Variants in KCNH8 observed in about 807,000 individuals in gnomAD.
KCNH8 encodes potassium voltage-gated channel subfamily H member 8.
A neutral mutation model predicts 103.6 loss-of-function variants in KCNH8; 70 were observed. The ratio of observed to expected loss-of-function variants is 0.68; its 90% CI spans 0.56 to 0.82. The LOEUF (loss-of-function observed/expected upper bound fraction) is 0.82, where lower values mean the gene tolerates loss of function less well. KCNH8 is among the 40% of genes least tolerant of loss of function. The pLI, the probability that KCNH8 is intolerant of heterozygous loss-of-function variation, is 0.00. For missense variants in KCNH8, 1,217 were observed against 1,329.9 expected (o/e 0.92, Z 1.32); for synonymous variants, 498 against 489.4 (o/e 1.02, Z -0.23).
intron 5 of KCNH8, among the ~76,000 whole-genome samples, chr3:19,376,515 A>G (rs1471739975): frequency 6.6e-6 from 1 of 152,124 alleles, no homozygotes; most frequent in Non-Finnish European, 1.5e-5. Context: ...CCCAAGTGAG[A>G]TGAACCCGGT....
rs181874521 is a variant in KCNH8 at position 19,476,378 on chromosome 3, G to A, written c.2040+19396G>A. ...AAAGTGCCACAGGGAGTTGTGATGC[G>A]CAAACTTCTTGCACTAAAGTGAGCA... On this transcript the variant is annotated intron_variant, in intron 11 of 15. Coordinates refer to ENST00000328405, the MANE Select transcript of KCNH8 (RefSeq NM_144633.3). 2.7e-3 allele frequency among the ~76,000 whole-genome samples: 411 copies of A among 152,254 alleles called. 3 individuals are homozygous for A. The highest frequency in any genetic ancestry group is 8.9e-3 in the African/African-American group (371 of 41,560).
chr3:19,200,109 T>C (rs1222971132), intron 1 of KCNH8, among the ~76,000 whole-genome samples: 4 of 152,040 alleles, frequency 2.6e-5, no homozygotes, highest in Non-Finnish European at 5.9e-5. Flanking sequence ...AAAATAAAAT[T>C]TGATTTTTAT....
intron 3 of KCNH8, among the ~76,000 whole-genome samples, chr3:19,320,667 T>C (rs73182740): frequency 0.016 from 2,503 of 152,008 alleles, 70 homozygotes; most frequent in African/African-American, 0.057. Context: ...TTTCCTGGTT[T>C]TGGTGTTAGG....
At chr3:19,212,842 C>T (rs1418190604) in intron 1 of KCNH8, among the ~76,000 whole-genome samples, 1 of 152,172 alleles carries the variant, frequency 6.6e-6, no homozygotes, top group Non-Finnish European at 1.5e-5. Flanking sequence ...GGTTTTGTAA[C>T]ATCTGGGTTA....
intron 11 of KCNH8, among the ~76,000 whole-genome samples, chr3:19,462,972 A>C (rs899410622): frequency 6.6e-6 from 1 of 152,146 alleles, no homozygotes; most frequent in Non-Finnish European, 1.5e-5. Flanking sequence ...ACCAACCACC[A>C]ATCAAAATCA....
chr3:19,338,088 A>T (rs2065609679), intron 3 of KCNH8, among the ~76,000 whole-genome samples: 1 of 151,744 alleles, frequency 6.6e-6, no homozygotes, highest in Non-Finnish European at 1.5e-5. Flanking sequence ...AGGCTTTTTT[A>T]TTTGTTTGTT....
chr3:19,247,813 G>A (rs1434780496), intron 1 of KCNH8, among the ~76,000 whole-genome samples: 1 of 152,114 alleles, frequency 6.6e-6, no homozygotes, highest in East Asian at 1.9e-4. Context: ...GCTTTGAATG[G>A]CTCCAGGGAT....
chr3:19,391,293 A>AT (rs1231200690), intron 6 of KCNH8, among the ~76,000 whole-genome samples: 1 of 152,084 alleles, frequency 6.6e-6, no homozygotes, highest in Non-Finnish European at 1.5e-5. Flanking sequence ...GACAGAAAGC[A>AT]TATCACTTGT....
chr3:19,193,375 C>G (rs2125211620), intron 1 of KCNH8, among the ~76,000 whole-genome samples: 1 of 151,672 alleles, frequency 6.6e-6, no homozygotes, highest in South Asian at 2.1e-4. Context: ...TCAGTCATGC[C>G]ATTCTCTCCC....
chr3:19,461,268 T>TA (rs1281595676), intron 11 of KCNH8, among the ~76,000 whole-genome samples: 2 of 152,176 alleles, frequency 1.3e-5, no homozygotes, highest in Admixed American at 6.6e-5. Context: ...CTTCTATTTA[T>TA]ATATAACTGA....
At chr3:19,305,658 T>TA (rs1459409813) in intron 3 of KCNH8, among the ~76,000 whole-genome samples, 8 of 152,066 alleles carry the variant, frequency 5.3e-5, no homozygotes, top group Non-Finnish European at 2.9e-5. Context: ...ATTAGAGTAG[T>TA]GTTAGTAGCA....
intron 7 of KCNH8, among the ~76,000 whole-genome samples, chr3:19,434,280 A>G (rs762398223): frequency 2.0e-5 from 3 of 152,258 alleles, no homozygotes; most frequent in Non-Finnish European, 4.4e-5. Flanking sequence ...TGAAGTATAG[A>G]TATTTTAAGA....
chr3:19,501,347 G>A (rs568625133), intron 11 of KCNH8, among the ~76,000 whole-genome samples: 4 of 152,248 alleles, frequency 2.6e-5, no homozygotes, highest in South Asian at 2.1e-4. Context: ...TACCAGAGGT[G>A]CAAGGAGGAA....
intron 1 of KCNH8, among the ~76,000 whole-genome samples, chr3:19,158,964 C>T (rs748293910): frequency 5.3e-5 from 8 of 151,790 alleles, no homozygotes; most frequent in Non-Finnish European, 1.2e-4. Context: ...ATAAAGAAAA[C>T]CCTTCTCCTT....
In KCNH8 at chr3:19,495,615, A is replaced by G. The variant is rs186608280; in HGVS notation, c.2041-14748A>G. Among the ~76,000 whole-genome samples the G allele has an allele frequency of 3.1e-3, 465 of 152,232 alleles. 4 individuals carry two copies. The highest frequency in any genetic ancestry group is 0.01 in the African/African-American group (422 of 41,558). On this transcript the variant is annotated intron_variant, in intron 11 of 15. Coordinates refer to ENST00000328405, the MANE Select transcript of KCNH8 (RefSeq NM_144633.3). ...CTATTTTGGTTACTGTAGCCTTGTA[A>G]TATAGCTTGAAGTCAGGTAACATGA...
At chr3:19,488,907 C>T (rs530227320) in intron 11 of KCNH8, among the ~76,000 whole-genome samples, 58 of 152,206 alleles carry the variant, frequency 3.8e-4, no homozygotes, top group Non-Finnish European at 4.7e-4. Flanking sequence ...GTCTGTATAA[C>T]GGTTTGGAGC....
intron 5 of KCNH8, among the ~76,000 whole-genome samples, chr3:19,349,920 C>T (rs150324265): frequency 6.6e-6 from 1 of 152,120 alleles, no homozygotes; most frequent in Non-Finnish European, 1.5e-5. Context: ...GGAATGAAAA[C>T]CCATTCCAAT....
chr3:19,521,581 G>A (rs773883900), intron 15 of KCNH8, among the ~76,000 whole-genome samples: 35 of 151,854 alleles, frequency 2.3e-4, no homozygotes, highest in African/African-American at 8.2e-4. Flanking sequence ...AAGTGAGAGA[G>A]GATCAATGTT....
intron 3 of KCNH8, among the ~76,000 whole-genome samples, chr3:19,339,252 A>G (rs2065625747): frequency 6.6e-6 from 1 of 152,118 alleles, no homozygotes; most frequent in Non-Finnish European, 1.5e-5. Flanking sequence ...TTAATTAGAT[A>G]TCTCACTGAG....
Sources: allele counts gnomAD v4.1 joint callset (sites outside exome capture counted in the v4.1 genomes callset), GRCh38; gene constraint gnomAD v4.1.1; transcripts MANE v1.5; gene names NCBI Gene and HGNC (gene_info 2026-07-23, HGNC 2026-07-21).